The following CD1B variants were observed in gnomAD, a reference collection of about 807,000 sequenced individuals.
CD1B encodes the protein T-cell surface glycoprotein CD1b.
Under a neutral mutation model 39.8 loss-of-function variants are expected in CD1B, and 43 were observed. The observed-to-expected ratio is 1.08, with a 90% CI of 0.85 to 1.39. The LOEUF is 1.39. Ranked by LOEUF, CD1B falls within the 40% of genes most tolerant of loss-of-function variation. CD1B has a pLI of 0.00. For missense variants in CD1B, 495 were observed against 403.8 expected, an observed-to-expected ratio of 1.23 and a Z score of -1.94; for synonymous variants, 192 against 152.5, an observed-to-expected ratio of 1.26 and a Z score of -1.91.
the CD1B span, among the ~76,000 whole-genome samples, chr1:158,295,000 C>A: frequency 1.6e-4 from 25 of 152,236 alleles, no homozygotes; most frequent in Admixed American, 1.2e-3. Context: ...CACCAGGAGG[C>A]CCTAGGTGAC....
chr1:158,309,668 C>T, the CD1B span, among the ~76,000 whole-genome samples: 2 of 152,074 alleles, frequency 1.3e-5, no homozygotes, highest in African/African-American at 4.8e-5. Context: ...ATGATGAGTT[C>T]ATGTCCTTTG....
the CD1B span, among the ~76,000 whole-genome samples, chr1:158,314,647 T>G: frequency 3.4e-5 from 5 of 147,962 alleles, no homozygotes; most frequent in Non-Finnish European, 7.4e-5. Context: ...GTTTTGTTTT[T>G]TTTATTTTTT....
the CD1B span, among the ~76,000 whole-genome samples, chr1:158,314,651 ATTTTTTT>A: frequency 1.4e-5 from 2 of 147,178 alleles, no homozygotes; most frequent in African/African-American, 2.6e-5. Context: ...TGTTTTTTTT[ATTTTTTT>A]ATTTTTTTAT....
At chr1:158,305,951 C>A in the CD1B span, among the ~76,000 whole-genome samples, 3 of 152,188 alleles carry the variant, frequency 2.0e-5, no homozygotes, top group Non-Finnish European at 4.4e-5. Context: ...TGAAAAGGAA[C>A]AAGTGGTACC....
chr1:158,289,974 G>T, the CD1B span: 5 of 1,151,600 alleles, frequency 4.3e-6, no homozygotes, highest in East Asian at 1.2e-4. Flanking sequence ...TTGGTAGAAG[G>T]AAGTCAGAAT....
the CD1B span, among the ~76,000 whole-genome samples, chr1:158,311,418 G>A: frequency 6.6e-6 from 1 of 151,974 alleles, no homozygotes; most frequent in Non-Finnish European, 1.5e-5. Flanking sequence ...TATATATTCT[G>A]GATCTTAATC....
the CD1B span, among the ~76,000 whole-genome samples, chr1:158,295,397 T>G: frequency 6.6e-6 from 1 of 152,102 alleles, no homozygotes; most frequent in African/African-American, 2.4e-5. Context: ...TGGCCCACTC[T>G]ATCCATGAAC....
the CD1B span, among the ~76,000 whole-genome samples, chr1:158,318,125 A>C: frequency 1.3e-5 from 2 of 152,176 alleles, no homozygotes; most frequent in Admixed American, 6.5e-5. Context: ...GGTGCTGAAA[A>C]AAATGTATAT....
At chr1:158,329,073 G>T in intron 4 of CD1B, 59 bp from the exon 5 acceptor site, 1 of 1,425,548 alleles carries the variant, frequency 7.0e-7, no homozygotes, top group East Asian at 2.3e-5. Flanking sequence ...AGAATTCCTT[G>T]GCCTTCCTTT....
At chr1:158,297,949 CA>C in the CD1B span, among the ~76,000 whole-genome samples, 3,153 of 129,330 alleles carry the variant, frequency 0.024, 51 homozygotes, top group East Asian at 0.08. Context: ...TTAAAAAAGA[CA>C]AAAAAAAAAA....
chr1:158,295,627 A>G, the CD1B span, among the ~76,000 whole-genome samples: 1 of 152,098 alleles, frequency 6.6e-6, no homozygotes, highest in Non-Finnish European at 1.5e-5. Flanking sequence ...TGACTATCAG[A>G]CCTGGACAGA....
rs780807725 is a variant in CD1B, at chr1:158,328,164, G to A, written c.*72C>T. On this transcript the variant is annotated 3_prime_UTR_variant, in exon 6 of 6. Transcript: ENST00000368168. ...TTGAAAATCATTTGAAATATGATAAGATTGACTTTTGGGCTGATATCTTGG... is the reference window on the plus strand; with the variant it reads ...TTGAAAATCATTTGAAATATGATAAAATTGACTTTTGGGCTGATATCTTGG... 105 of 1,082,862 alleles carry A rather than the reference G, an allele frequency of 9.7e-5. No homozygotes were observed. The highest frequency in any genetic ancestry group is 6.5e-4 in the African/African-American group (41 of 63,558). The allele number at this position is 1,082,862 out of a possible 1,614,324, so 67.1% of individuals were successfully genotyped here. A position where few individuals can be genotyped will look rare whatever the true frequency, so the allele number is the denominator to read the frequency against.
chr1:158,306,249 T>G, the CD1B span, among the ~76,000 whole-genome samples: 1 of 151,630 alleles, frequency 6.6e-6, no homozygotes, highest in South Asian at 2.1e-4. Flanking sequence ...AATAAGCAAA[T>G]GGAAAACAAA....
At chr1:158,299,206 G>GCACTA in the CD1B span, among the ~76,000 whole-genome samples, 3 of 152,112 alleles carry the variant, frequency 2.0e-5, no homozygotes, top group Non-Finnish European at 4.4e-5. Flanking sequence ...CTAGTGTATT[G>GCACTA]GGAGTTTTTT....
At chr1:158,324,786 G>A (rs970683860), downstream of CD1B, among the ~76,000 whole-genome samples, 5 of 152,062 alleles carry the variant, frequency 3.3e-5, no homozygotes, top group African/African-American at 1.2e-4. Context: ...AGGGCAAGAA[G>A]TTTCGGCAAG....
the CD1B span, chr1:158,292,781 G>C: frequency 6.2e-7 from 1 of 1,614,162 alleles, no homozygotes; most frequent in African/African-American, 1.3e-5. Context: ...GTATCTTCAG[G>C]TGATCCTGGA....
chr1:158,328,788 G>T, intron 5 of CD1B, 133 bp downstream of exon 5: 1 of 639,032 alleles, frequency 1.6e-6, no homozygotes, highest in Non-Finnish European at 2.7e-6. Flanking sequence ...TAAAACGAAT[G>T]GGAGTTTGGG....
the CD1B span, among the ~76,000 whole-genome samples, chr1:158,318,305 T>C: frequency 2.0e-5 from 3 of 152,186 alleles, no homozygotes; most frequent in Non-Finnish European, 4.4e-5. Context: ...TCTAAGTCTC[T>C]TTGTAGGTCA....
At chr1:158,290,267 A>T in the CD1B span, 1 of 669,650 alleles carries the variant, frequency 1.5e-6, no homozygotes, top group East Asian at 2.7e-5. Flanking sequence ...CTTTTGGAGG[A>T]TGGTGGCAGA....
Sources: gnomAD v4.1 joint callset for allele counts (sites outside exome capture counted in the v4.1 genomes callset) on GRCh38, gnomAD v4.1.1 for gene constraint, MANE v1.5 for transcripts, NCBI Gene and HGNC (gene_info 2026-07-23, HGNC 2026-07-21) for gene names.